SLIT1: variants seen among roughly 807,000 people sequenced by gnomAD.
The protein encoded by SLIT1 is slit guidance ligand 1.
In SLIT1, 66 loss-of-function variants were observed where a neutral mutation model predicts 186.1. That is an observed-to-expected ratio of 0.35 (90% CI 0.29 to 0.44). The LOEUF (loss-of-function observed/expected upper bound fraction) is 0.44, where lower values mean the gene tolerates loss of function less well. SLIT1 is among the 20% of genes least tolerant of loss of function. SLIT1 has a pLI of 1.00. For synonymous variants in SLIT1, 761 were observed against 833.8 expected, an observed-to-expected ratio of 0.91 and a Z score of 1.50; for missense variants, 1,638 against 2,037.4, an observed-to-expected ratio of 0.80 and a Z score of 3.77.
Position 96,999,662 on chromosome 10 carries a change from C to T in SLIT1, c.*1450G>A, listed in dbSNP as rs1399087109. ...CTCACAAACCATCTTTCTACATTTT[C>T]ACTGTGTATGGAAGAGAAGACAACG... On this transcript the variant is annotated 3_prime_UTR_variant, in exon 37 of 37. Coordinates refer to ENST00000266058, the MANE Select transcript of SLIT1 (RefSeq NM_003061.3). 1.3e-5 allele frequency: 2 copies of T among 152,270 alleles called. No homozygotes were observed. The highest frequency in any genetic ancestry group is 6.5e-5 in the Admixed American group (1 of 15,286). 9.4% of individuals were successfully genotyped at this position (152,270 alleles called of 1,614,324 possible).
intron 1 of SLIT1, among the ~76,000 whole-genome samples, chr10:97,175,528 G>A (rs150872283): frequency 3.0e-3 from 455 of 152,210 alleles, no homozygotes; most frequent in African/African-American, 7.4e-3. Flanking sequence ...GCACATCCTC[G>A]TCAACACTTG....
chr10:97,043,453 G>A lies in SLIT1; in HGVS notation c.1914C>T (p.Asn638=), dbSNP rs561013324. ...TGTCGTAGAGCGAGAGGAGCCGGACGTTGCGCAGGCCCGTGAAGCTGTCGT... is the reference window on the plus strand; with the variant it reads ...TGTCGTAGAGCGAGAGGAGCCGGACATTGCGCAGGCCCGTGAAGCTGTCGT... ...IHNDSFTGLR[N]VRLLSLYDNQ... The change falls in exon 19 of 37, where the codon AAC becomes AAT. Residue 638 remains asparagine (N), a synonymous_variant. Transcript: ENST00000266058. The surrounding 1 kb of genome is among the most constrained non-coding windows in gnomAD (Gnocchi z 7.0). The A allele has an allele frequency of 5.0e-5, 80 of 1,614,008 alleles. 1 individual carries two copies. In the South Asian group the frequency reaches 7.8e-4, roughly 16 times the overall value.
At chr10:97,027,049 C>T (rs1848552125) in intron 25 of SLIT1, among the ~76,000 whole-genome samples, 1 of 152,224 alleles carries the variant, frequency 6.6e-6, no homozygotes, top group Non-Finnish European at 1.5e-5. Flanking sequence ...TGCGAGTGGA[C>T]AGGAGAGGCC....
At chr10:97,128,349 G>A (rs1849622474) in intron 4 of SLIT1, among the ~76,000 whole-genome samples, 1 of 152,184 alleles carries the variant, frequency 6.6e-6, no homozygotes, top group South Asian at 2.1e-4. Context: ...AAGCAGGAGT[G>A]TTCATCTGTC....
chr10:97,134,701 G>A (rs1235979335), intron 4 of SLIT1, among the ~76,000 whole-genome samples: 4 of 152,202 alleles, frequency 2.6e-5, no homozygotes, highest in African/African-American at 9.7e-5. Flanking sequence ...GCTGATTCAA[G>A]GTGTTCAGAC....
chr10:97,119,913 G>GTATATATAGATATATA, intron 4 of SLIT1, among the ~76,000 whole-genome samples: 1 of 56,510 alleles, frequency 1.8e-5, no homozygotes, highest in Non-Finnish European at 3.7e-5. Context: ...TTCCAAAGGG[G>GTATATATAGATATATA]TATATATATA....
At chr10:97,075,583 G>A (rs1192106633) in intron 4 of SLIT1, among the ~76,000 whole-genome samples, 1 of 152,198 alleles carries the variant, frequency 6.6e-6, no homozygotes, top group Admixed American at 6.5e-5. Context: ...CACACTCAGC[G>A]TGCCCACTGG....
rs569267120 is a variant in SLIT1 at position 97,010,267 on chromosome 10, G to A, written c.3341+726C>T. Among the ~76,000 whole-genome samples the A allele has an allele frequency of 6.6e-6, 1 of 152,334 alleles. No individual in the cohort carries two copies. The highest frequency in any genetic ancestry group is 6.5e-5 in the Admixed American group (1 of 15,304). On this transcript the variant is annotated intron_variant, in intron 31 of 36. Coordinates refer to ENST00000266058, the MANE Select transcript of SLIT1 (RefSeq NM_003061.3). The surrounding 1 kb of genome is among the most constrained non-coding windows in gnomAD (Gnocchi z 4.8). Reference sequence around the variant, plus strand: ...TGCCGACACATGTTACCACACGGATGAACCTCAAAACATGATGCTGAGTGA... The same window carrying A: ...TGCCGACACATGTTACCACACGGATAAACCTCAAAACATGATGCTGAGTGA...
chr10:97,061,656 C>T (rs1848894857), intron 8 of SLIT1, among the ~76,000 whole-genome samples: 1 of 152,266 alleles, frequency 6.6e-6, no homozygotes, highest in Middle Eastern at 3.4e-3. Flanking sequence ...AGTAGTATTC[C>T]ATTATATGGA....
In SLIT1 at chr10:97,004,303, C is replaced by G; in HGVS notation, c.3711-81G>C. ...CTGCCTGGGCACTTCCCCAGAAACACCAGTAGCTGCTTCCCAGGAGACCAA... is the reference window on the plus strand; with the variant it reads ...CTGCCTGGGCACTTCCCCAGAAACAGCAGTAGCTGCTTCCCAGGAGACCAA... On this transcript the variant is annotated intron_variant, in intron 33 of 36. Coordinates refer to ENST00000266058, the MANE Select transcript of SLIT1 (RefSeq NM_003061.3). The surrounding 1 kb of genome is among the most constrained non-coding windows in gnomAD (Gnocchi z 5.1). 1 of 1,388,952 alleles carries G rather than the reference C, an allele frequency of 7.2e-7. No homozygotes were observed. Among genetic ancestry groups the G allele is most frequent in the Non-Finnish European group, 1.0e-6 (1 of 1,003,510 alleles). 86.0% of individuals were successfully genotyped at this position (1,388,952 alleles called of 1,614,324 possible).
chr10:97,121,000 A>G (rs1849555948), intron 4 of SLIT1, among the ~76,000 whole-genome samples: 3 of 152,078 alleles, frequency 2.0e-5, no homozygotes, highest in Admixed American at 2.0e-4. Context: ...GTCCCACCAA[A>G]ACTATTAGAT....
At chr10:97,182,091 T>A (rs1564697169) in intron 1 of SLIT1, among the ~76,000 whole-genome samples, 3 of 152,230 alleles carry the variant, frequency 2.0e-5, no homozygotes, top group Non-Finnish European at 2.9e-5. Flanking sequence ...GTATTTTAAC[T>A]GTTCATTACA....
At chr10:97,045,068 C>T (rs182218171) in intron 18 of SLIT1, among the ~76,000 whole-genome samples, 24 of 152,306 alleles carry the variant, frequency 1.6e-4, no homozygotes, top group African/African-American at 5.3e-4. Flanking sequence ...AGAGGGCCCT[C>T]GCCAGAACCC....
At chr10:97,050,171 CG>C (rs1848774839) in intron 13 of SLIT1, among the ~76,000 whole-genome samples, 1 of 152,154 alleles carries the variant, frequency 6.6e-6, no homozygotes, top group African/African-American at 2.4e-5. Flanking sequence ...AAAAGAAGTA[CG>C]GGGAGACAGA....
chr10:97,053,269 C>T (rs1848807426), intron 13 of SLIT1, among the ~76,000 whole-genome samples: 1 of 152,194 alleles, frequency 6.6e-6, no homozygotes, highest in African/African-American at 2.4e-5. Context: ...GCATGTTTCT[C>T]TCAGACATTC....
intron 6 of SLIT1, among the ~76,000 whole-genome samples, chr10:97,064,532 G>A (rs1382391557): frequency 6.6e-6 from 1 of 152,190 alleles, no homozygotes; most frequent in Admixed American, 6.5e-5. Flanking sequence ...TTGGAAGAAA[G>A]GTGGGGTTTG....
At chr10:97,168,452 A>G (rs1218991731) in intron 1 of SLIT1, among the ~76,000 whole-genome samples, 1 of 152,254 alleles carries the variant, frequency 6.6e-6, no homozygotes, top group East Asian at 1.9e-4. Flanking sequence ...TTTACAGAAG[A>G]CTTACTATGT....
chr10:97,185,701 A>G lies in SLIT1; in HGVS notation c.-27T>C. 6.8e-7 allele frequency: 1 copy of G among 1,469,696 alleles called. No individual in the cohort carries two copies. The highest frequency in any genetic ancestry group is 8.9e-7 in the Non-Finnish European group (1 of 1,119,098). 91.0% of individuals were successfully genotyped at this position (1,469,696 alleles called of 1,614,324 possible). A position where few individuals can be genotyped will look rare whatever the true frequency, so the allele number is the denominator to read the frequency against. On this transcript the variant is annotated 5_prime_UTR_variant, in exon 1 of 37. Transcript: ENST00000266058. ...GTGCCCTCACAGCGTCCCGCTCGCG[A>G]GCCAGACGGCAGCAGCCGCTGACCA...
At chr10:97,152,608 A>G (rs1456345935) in intron 4 of SLIT1, among the ~76,000 whole-genome samples, 2 of 152,212 alleles carry the variant, frequency 1.3e-5, no homozygotes, top group African/African-American at 4.8e-5. Flanking sequence ...ACGCTGCAAC[A>G]TCGTATCACA....
Sources: allele counts gnomAD v4.1 joint callset (sites outside exome capture counted in the v4.1 genomes callset), GRCh38; gene constraint gnomAD v4.1.1; non-coding constraint Gnocchi (gnomAD v3.1); transcripts MANE v1.5; gene names NCBI Gene and HGNC (gene_info 2026-07-23, HGNC 2026-07-21).